Variants in CACNA1C observed in about 807,000 individuals in gnomAD.
CACNA1C encodes calcium voltage-gated channel subunit alpha1 C, also known as voltage-dependent L-type calcium channel subunit alpha-1C.
Under a neutral mutation model 229.0 loss-of-function variants are expected in CACNA1C, and 30 were observed. The observed-to-expected ratio is 0.13, with a 90% CI of 0.10 to 0.18. The LOEUF is 0.18. Among genes scored for constraint, CACNA1C ranks in the 10% least tolerant of loss-of-function variants. The probability of loss-of-function intolerance (pLI) is 1.00; values close to 1 mark genes in which losing one functional copy is unlikely to be tolerated. For synonymous variants in CACNA1C, 1,114 were observed against 1,132.5 expected (o/e 0.98, Z 0.33); for missense variants, 1,658 against 2,845.0 (o/e 0.58, Z 9.49).
chr12:2,193,990 T>C (rs2097320481), intron 3 of CACNA1C, among the ~76,000 whole-genome samples: 1 of 152,070 alleles, frequency 6.6e-6, no homozygotes, highest in Non-Finnish European at 1.5e-5. Context: ...CATGTGAACC[T>C]CAGTGTTTAT....
At position 2,602,555 on chromosome 12, in the gene CACNA1C, G is replaced by A. The variant is rs897861917; in HGVS notation, c.2960+595G>A. On this transcript the variant is annotated intron_variant, in intron 22 of 46. Coordinates refer to ENST00000399655, the MANE Select transcript of CACNA1C (RefSeq NM_000719.7). This position sits in a 1 kb window ranked among gnomAD's most constrained non-coding sequence, Gnocchi z 4.4. ...TGTGTCTGCATATGTGTCTATGGAC[G>A]TGAATGTATATGTGTATGTATGTGC... is the stretch of plus-strand genomic sequence containing the variant. 2.9e-4 allele frequency among the ~76,000 whole-genome samples: 44 copies of A among 152,040 alleles called. No homozygotes were observed. Among genetic ancestry groups the A allele is most frequent in the South Asian group, 1.0e-3 (5 of 4,808 alleles).
chr12:2,684,781 T>C (rs1449839225), intron 43 of CACNA1C, among the ~76,000 whole-genome samples: 2 of 152,182 alleles, frequency 1.3e-5, no homozygotes, highest in Non-Finnish European at 2.9e-5. Context: ...TAGGGAGGCC[T>C]TAGCTAGCTG....
intron 4 of CACNA1C, among the ~76,000 whole-genome samples, chr12:2,450,359 C>T (rs564826762): frequency 2.2e-4 from 33 of 151,798 alleles, no homozygotes; most frequent in South Asian, 1.3e-3. Context: ...TCGAGACCAT[C>T]CTGGCTAACA....
At position 2,585,482 on chromosome 12, in the gene CACNA1C, C is replaced by T. The variant is rs1380611135; in HGVS notation, c.2446C>T (p.Pro816Ser). ...LKSITADGES[P>S]PATKINMDDL... ...ATCCATCACGGCTGACGGAGAGTCT[C>T]CACCCGCCACCAAGGTGAGGAGCTG... The change falls in exon 17 of 47, where the codon CCA becomes TCA. Residue 816 changes from proline to serine, a missense_variant. By Grantham distance (74) the Pro-to-Ser change is moderately conservative. This residue lies in a region of CACNA1C where 121 missense variants were observed against 128.8 expected (regional missense o/e 0.94). Coordinates refer to ENST00000399655, the MANE Select transcript of CACNA1C (RefSeq NM_000719.7). The surrounding 1 kb of genome is among the most constrained non-coding windows in gnomAD (Gnocchi z 4.1). 1 of 1,559,872 alleles carries T rather than the reference C, an allele frequency of 6.4e-7. No homozygotes were observed. Among genetic ancestry groups the T allele is most frequent in the Non-Finnish European group, 8.7e-7 (1 of 1,151,260 alleles).
At chr12:2,022,743 C>A (rs949630748) in intron 1 of CACNA1C, among the ~76,000 whole-genome samples, 5 of 152,152 alleles carry the variant, frequency 3.3e-5, no homozygotes, top group Non-Finnish European at 7.4e-5. Context: ...CGTCACCCAG[C>A]CTTAACTCTT....
chr12:2,058,633 T>C (rs2056224432), intron 1 of CACNA1C, among the ~76,000 whole-genome samples: 1 of 152,200 alleles, frequency 6.6e-6, no homozygotes, highest in Non-Finnish European at 1.5e-5. Flanking sequence ...CTCTGAGCCA[T>C]GGCTGTCATT....
intron 3 of CACNA1C, among the ~76,000 whole-genome samples, chr12:2,236,146 G>A (rs1203688707): frequency 6.6e-6 from 1 of 152,160 alleles, no homozygotes; most frequent in Non-Finnish European, 1.5e-5. Flanking sequence ...CAGAGCCGGA[G>A]ACCTCACAGT....
chr12:2,076,910 C>G (rs1222620590), intron 1 of CACNA1C, among the ~76,000 whole-genome samples: 2 of 152,320 alleles, frequency 1.3e-5, no homozygotes. Context: ...GAAATTGAGA[C>G]ATGGAACATG....
At chr12:2,406,799 A>G (rs2098742411) in intron 3 of CACNA1C, among the ~76,000 whole-genome samples, 1 of 152,206 alleles carries the variant, frequency 6.6e-6, no homozygotes, top group African/African-American at 2.4e-5. Flanking sequence ...TTCTCATTCA[A>G]GTTGGTGCTT....
At chr12:2,415,323 G>A (rs901952285) in intron 3 of CACNA1C, among the ~76,000 whole-genome samples, 1 of 152,024 alleles carries the variant, frequency 6.6e-6, no homozygotes, top group Non-Finnish European at 1.5e-5. Context: ...CCACATCCAC[G>A]CTTTTCTACC....
intron 1 of CACNA1C, among the ~76,000 whole-genome samples, chr12:2,008,180 C>T (rs2043804626): frequency 6.6e-6 from 1 of 152,054 alleles, no homozygotes; most frequent in Non-Finnish European, 1.5e-5. Flanking sequence ...TGCAGTGGCA[C>T]AATCACAGCT....
chr12:2,689,100 G>A lies in CACNA1C; in HGVS notation c.6117+321G>A, dbSNP rs1326117803. Reference sequence around the variant, plus strand: ...TATACACAGACAGGCAAGATCCAAGGTGCTCAGGCCTGACTGCCCGTGAGC... The same window carrying A: ...TATACACAGACAGGCAAGATCCAAGATGCTCAGGCCTGACTGCCCGTGAGC... On this transcript the variant is annotated intron_variant, in intron 46 of 46. Coordinates refer to ENST00000399655, the MANE Select transcript of CACNA1C (RefSeq NM_000719.7). The surrounding 1 kb of genome is among the most constrained non-coding windows in gnomAD (Gnocchi z 4.2). 1.3e-5 allele frequency among the ~76,000 whole-genome samples: 2 copies of A among 152,154 alleles called. No individual in the cohort carries two copies. Among genetic ancestry groups the A allele is most frequent in the African/African-American group, 2.4e-5 (1 of 41,444 alleles).
At position 2,606,595 on chromosome 12, in the gene CACNA1C, G is replaced by A; in HGVS notation, c.3157-16G>A. 2 of 1,596,052 alleles carry A rather than the reference G, an allele frequency of 1.3e-6. No homozygotes were observed. The highest frequency in any genetic ancestry group is 2.3e-5 in the South Asian group (2 of 87,650). The stretch of plus-strand genomic sequence containing the variant: ...GATTACTGAACATCTCTGATACTCT[G>A]TTCTCTGCCTTCCAGGGAAAGCTGT... On this transcript the variant is annotated splice_polypyrimidine_tract_variant and intron_variant, in intron 24 of 46. Coordinates refer to ENST00000399655, the MANE Select transcript of CACNA1C (RefSeq NM_000719.7).
At position 2,292,127 on chromosome 12, in the gene CACNA1C, G is replaced by A. The variant is rs2093577384; in HGVS notation, c.478-156849G>A. Among the ~76,000 whole-genome samples, 3 of 152,332 alleles carry A rather than the reference G, an allele frequency of 2.0e-5. No homozygotes were observed. The South Asian group carries it at 6.2e-4, about 32-fold the overall frequency. ...GCCATGAAGCACTACTAAGTGCCAG[G>A]CCTTGTGCTGGCTCCCGGGGAGGCA... On this transcript the variant is annotated intron_variant, in intron 3 of 46. Coordinates refer to ENST00000399655, the MANE Select transcript of CACNA1C (RefSeq NM_000719.7).
chr12:2,076,893 T>C (rs1018197226), intron 1 of CACNA1C, among the ~76,000 whole-genome samples: 1 of 152,196 alleles, frequency 6.6e-6, no homozygotes, highest in Non-Finnish European at 1.5e-5. Context: ...CACTTTCTAC[T>C]GAGTGGGAAA....
intron 1 of CACNA1C, among the ~76,000 whole-genome samples, chr12:2,022,912 A>G (rs1163824281): frequency 6.6e-6 from 1 of 152,184 alleles, no homozygotes. Flanking sequence ...TCCACCTGGT[A>G]TAAAAAGAGA....
Position 2,458,169 on chromosome 12 carries a change from C to G in CACNA1C, c.757+463C>G, listed in dbSNP as rs144721393. On this transcript the variant is annotated intron_variant, in intron 5 of 46. Coordinates refer to ENST00000399655, the MANE Select transcript of CACNA1C (RefSeq NM_000719.7). ...AGTTCTGTTTTGACCTTTCTCCCAG[C>G]CCTCTCCTCCCTTCCTGTCAAATGG... 3.9e-3 allele frequency among the ~76,000 whole-genome samples: 599 copies of G among 152,376 alleles called. 3 individuals carry two copies. The highest frequency in any genetic ancestry group is 0.013 in the African/African-American group (559 of 41,596).
chr12:2,572,331 TTCTCTTC>T (rs1215399185), intron 13 of CACNA1C, among the ~76,000 whole-genome samples: 1 of 69,206 alleles, frequency 1.4e-5, no homozygotes, highest in African/African-American at 5.4e-5. Flanking sequence ...TTCCTCCTCC[TTCTCTTC>T]TTCCTCCTCC....
chr12:1,991,607 C>G (rs556490221), intron 1 of CACNA1C: 1 of 206,698 alleles, frequency 4.8e-6, no homozygotes, highest in Admixed American at 5.5e-5. Context: ...AGTGCAGCTC[C>G]GTTTAGACTA....
Sources: gnomAD v4.1 joint callset for allele counts (sites outside exome capture counted in the v4.1 genomes callset) on GRCh38, gnomAD v4.1.1 for gene constraint, gnomAD v4.1.1 regional missense constraint, Gnocchi (gnomAD v3.1) non-coding constraint, MANE v1.5 for transcripts, NCBI Gene and HGNC (gene_info 2026-07-23, HGNC 2026-07-21) for gene names.